DENND1A: variants seen among roughly 807,000 people sequenced by gnomAD.
The protein encoded by DENND1A is DENN domain containing 1A, also known as DENN domain-containing protein 1A.
In DENND1A, 51 loss-of-function variants were observed where a neutral mutation model predicts 113.7. The ratio of observed to expected loss-of-function variants is 0.45; its 90% CI spans 0.36 to 0.57. DENND1A has a LOEUF of 0.57. Among genes scored for constraint, DENND1A ranks in the 20% least tolerant of loss-of-function variants. The probability of loss-of-function intolerance (pLI) is 0.00; values close to 1 mark genes in which losing one functional copy is unlikely to be tolerated. For missense variants in DENND1A, 1,258 were observed against 1,395.9 expected, an observed-to-expected ratio of 0.90 and a Z score of 1.57; for synonymous variants, 565 against 570.8, an observed-to-expected ratio of 0.99 and a Z score of 0.14.
intron 19 of DENND1A, among the ~76,000 whole-genome samples, chr9:123,417,294 G>A (rs2131673415): frequency 6.6e-6 from 1 of 152,356 alleles, no homozygotes; most frequent in South Asian, 2.1e-4. Context: ...TTCCAAAGCT[G>A]TGTGCTATCA....
intron 3 of DENND1A, among the ~76,000 whole-genome samples, chr9:123,781,983 T>A (rs1831383423): frequency 6.6e-6 from 1 of 151,910 alleles, no homozygotes; most frequent in Non-Finnish European, 1.5e-5. Flanking sequence ...GGAAGAAGAA[T>A]CGCTTGAACC....
rs1274212035 is a variant in DENND1A at position 123,856,733 on chromosome 9, G to A, written c.88+22218C>T. Among the ~76,000 whole-genome samples, 3 of 152,156 alleles carry A rather than the reference G, an allele frequency of 2.0e-5. No homozygotes were observed. The South Asian group carries it at 6.2e-4, about 32-fold the overall frequency. ...TGTCAAAGACCAAGGTGGATGAGGT[G>A]GGCATTCAGGCAGAAGAGGCAGAGC... is the stretch of plus-strand genomic sequence containing the variant. On this transcript the variant is annotated intron_variant, in intron 2 of 23. Transcript: ENST00000394215.
At chr9:123,409,020 A>C (rs1051423824) in intron 20 of DENND1A, among the ~76,000 whole-genome samples, 36 of 152,292 alleles carry the variant, frequency 2.4e-4, no homozygotes, top group African/African-American at 7.5e-4. Flanking sequence ...CAGTGGAGAG[A>C]GGCAAGCTGG....
rs192384697 is a variant in DENND1A at position 123,422,996 on chromosome 9, T to C, written c.1489-11167A>G. On this transcript the variant is annotated intron_variant, in intron 19 of 23. Coordinates refer to ENST00000394215, the MANE Select transcript of DENND1A (RefSeq NM_001352964.2). The surrounding 1 kb of genome is among the most constrained non-coding windows in gnomAD (Gnocchi z 4.8). ...TCTCACTGTCAAATCCTCAAGGACA[T>C]TGTCAGCGCACAGCTAACTGCATAT... 3.9e-3 allele frequency among the ~76,000 whole-genome samples: 588 copies of C among 152,326 alleles called. 13 individuals are homozygous for C. The highest frequency in any genetic ancestry group is 6.3e-3 in the Non-Finnish European group (429 of 68,030).
intron 5 of DENND1A, among the ~76,000 whole-genome samples, chr9:123,731,960 C>T (rs1331961142): frequency 2.6e-5 from 4 of 152,098 alleles, no homozygotes; most frequent in East Asian, 1.9e-4. Flanking sequence ...CAAATAAGCA[C>T]GATATGCCCC....
chr9:123,617,148 T>C (rs1296054604), intron 10 of DENND1A, among the ~76,000 whole-genome samples: 1 of 152,154 alleles, frequency 6.6e-6, no homozygotes, highest in Non-Finnish European at 1.5e-5. Context: ...CTTTTTTCTT[T>C]TTAGGGGAAA....
At chr9:123,760,452 A>C (rs939264543) in intron 4 of DENND1A, among the ~76,000 whole-genome samples, 6 of 152,226 alleles carry the variant, frequency 3.9e-5, no homozygotes, top group Admixed American at 6.5e-5. Flanking sequence ...ATTCAGAAAG[A>C]AAAAGTGTTC....
chr9:123,414,198 T>A (rs1326135386), intron 19 of DENND1A: 1 of 1,094,074 alleles, frequency 9.1e-7, no homozygotes, highest in African/African-American at 1.6e-5. Flanking sequence ...AGCCTTACTG[T>A]CCTCATCTGT....
chr9:123,529,161 A>G (rs2055089546), intron 13 of DENND1A, among the ~76,000 whole-genome samples: 1 of 152,198 alleles, frequency 6.6e-6, no homozygotes. Flanking sequence ...ATGACAAAGT[A>G]ATGTATGTGT....
At chr9:123,882,322 CAA>C (rs59820553) in intron 1 of DENND1A, among the ~76,000 whole-genome samples, 42 of 124,316 alleles carry the variant, frequency 3.4e-4, no homozygotes, top group Admixed American at 4.2e-4. Flanking sequence ...AACCTTGTTT[CAA>C]AAAAAAAAAA....
chr9:123,403,580 C>G (rs746326782), intron 20 of DENND1A, 90 bp from the exon 21 acceptor site: 34 of 1,211,918 alleles, frequency 2.8e-5, no homozygotes, highest in Admixed American at 8.2e-5. Context: ...AACGGCCCCC[C>G]CAAAAAACGT....
chr9:123,739,670 G>C (rs902297931), intron 5 of DENND1A, among the ~76,000 whole-genome samples: 3 of 152,094 alleles, frequency 2.0e-5, no homozygotes, highest in African/African-American at 7.2e-5. Context: ...GACACTCCCA[G>C]CTGGAGGAGA....
intron 8 of DENND1A, among the ~76,000 whole-genome samples, chr9:123,657,717 C>T (rs1264451687): frequency 6.6e-6 from 1 of 151,808 alleles, no homozygotes; most frequent in African/African-American, 2.4e-5. Flanking sequence ...AACTCCTATT[C>T]AAATTATTTT....
chr9:123,460,433 C>A (rs72755187), intron 13 of DENND1A, among the ~76,000 whole-genome samples: 34 of 152,342 alleles, frequency 2.2e-4, no homozygotes, highest in Admixed American at 5.2e-4. Context: ...ATCCTGGCAG[C>A]TCAGACACCT....
At chr9:123,411,319 G>C (rs116973163) in intron 20 of DENND1A, 1,595 of 152,380 alleles carry the variant, frequency 0.01, 29 homozygotes, top group Non-Finnish European at 0.012. Context: ...AGCGGTACCT[G>C]TATCCATATG....
At chr9:123,742,011 G>A (rs1173024074) in intron 5 of DENND1A, among the ~76,000 whole-genome samples, 2 of 152,236 alleles carry the variant, frequency 1.3e-5, no homozygotes, top group Admixed American at 1.3e-4. Flanking sequence ...CCAGAGCGTT[G>A]CTCTCAGAGC....
intron 5 of DENND1A, among the ~76,000 whole-genome samples, chr9:123,706,509 C>G (rs189419823): frequency 7.2e-5 from 11 of 151,848 alleles, no homozygotes; most frequent in African/African-American, 2.7e-4. Flanking sequence ...CGGTGGCTCA[C>G]GCCTGTAATC....
chr9:123,637,905 GAATA>G (rs1466545154), intron 9 of DENND1A, among the ~76,000 whole-genome samples: 2 of 123,934 alleles, frequency 1.6e-5, no homozygotes, highest in Non-Finnish European at 3.2e-5. Context: ...GAAAGGGAAG[GAATA>G]AACACACACA....
chr9:123,653,516 C>T (rs1236488104), intron 8 of DENND1A, among the ~76,000 whole-genome samples: 3 of 152,206 alleles, frequency 2.0e-5, no homozygotes, highest in African/African-American at 7.2e-5. Context: ...AAACATGTCA[C>T]TTAATCTTCA....
Sources: gnomAD v4.1 joint callset for allele counts (sites outside exome capture counted in the v4.1 genomes callset) on GRCh38, gnomAD v4.1.1 for gene constraint, Gnocchi (gnomAD v3.1) non-coding constraint, MANE v1.5 for transcripts, NCBI Gene and HGNC (gene_info 2026-07-23, HGNC 2026-07-21) for gene names.